COL12A1: variants seen among roughly 807,000 people sequenced by gnomAD.
COL12A1 encodes the protein collagen type XII alpha 1 chain, also known as collagen alpha-1(XII) chain.
A neutral mutation model predicts 349.7 loss-of-function variants in COL12A1; 114 were observed. The observed-to-expected ratio is 0.33, with a 90% confidence interval of 0.28 to 0.38. The LOEUF (loss-of-function observed/expected upper bound fraction) is 0.38, where lower values mean the gene tolerates loss of function less well. Among genes scored for constraint, COL12A1 ranks in the 10% least tolerant of loss-of-function variants. The pLI is 1.00. For synonymous variants in COL12A1, 1,369 were observed against 1,329.0 expected, an observed-to-expected ratio of 1.03 and a Z score of -0.66; for missense variants, 3,284 against 3,756.9, an observed-to-expected ratio of 0.87 and a Z score of 3.29.
rs368180294 is a variant in COL12A1, at chr6:75,096,366, AGTATCCT to A, written c.8577+880_8577+886del. On this transcript the variant is annotated intron_variant, in intron 59 of 65. Coordinates refer to ENST00000322507, the MANE Select transcript of COL12A1 (RefSeq NM_004370.6). ...AAAATTATTTTAACATATGCTCTTG[AGTATCCT>A]GCCACACAGACATGGAGGCTATCCA... Among the ~76,000 whole-genome samples the A allele has an allele frequency of 8.5e-5, 13 of 152,350 alleles. No homozygotes were observed. The East Asian group carries it at 2.5e-3, about 29-fold the overall frequency.
chr6:75,115,049 AT>A (rs1181900395), intron 49 of COL12A1, among the ~76,000 whole-genome samples: 1 of 152,106 alleles, frequency 6.6e-6, no homozygotes, highest in Admixed American at 6.6e-5. Flanking sequence ...CAACAATACA[AT>A]CTCTGCCTCT....
chr6:75,200,788 T>A (rs1242293228), intron 2 of COL12A1, among the ~76,000 whole-genome samples: 1 of 152,168 alleles, frequency 6.6e-6, no homozygotes, highest in East Asian at 1.9e-4. Context: ...GAAAAAAATG[T>A]AGGTTACATA....
At chr6:75,141,497 C>T (rs1265362000) in intron 27 of COL12A1, among the ~76,000 whole-genome samples, 2 of 152,192 alleles carry the variant, frequency 1.3e-5, no homozygotes, top group Non-Finnish European at 2.9e-5. Context: ...ACAGTGCAGT[C>T]GCCCCTTCCT....
rs1372921300 is a variant in COL12A1 at position 75,128,712 on chromosome 6, G to A, written c.6211-287C>T. On this transcript the variant is annotated intron_variant, in intron 37 of 65. Coordinates refer to ENST00000322507, the MANE Select transcript of COL12A1 (RefSeq NM_004370.6). Reference sequence around the variant, plus strand: ...CTGTATTAAAAGCAATGCCATGTGTGCTTCAGAACACCTTACTGAGTATTC... The same window carrying A: ...CTGTATTAAAAGCAATGCCATGTGTACTTCAGAACACCTTACTGAGTATTC... Among the ~76,000 whole-genome samples the A allele has an allele frequency of 7.2e-5, 11 of 152,252 alleles. No homozygotes were observed. In the East Asian group the frequency reaches 2.1e-3, roughly 29 times the overall value.
At position 75,200,605 on chromosome 6, in the gene COL12A1, G is replaced by A. The variant is rs192824992; in HGVS notation, c.73+2115C>T. 2.3e-3 allele frequency among the ~76,000 whole-genome samples: 351 copies of A among 152,032 alleles called. 3 individuals are homozygous for A. The highest frequency in any genetic ancestry group is 7.9e-3 in the African/African-American group (326 of 41,488). ...ATAAAAATAACTTAAAGAATAAATT[G>A]CACTGTAAGTATAAAATACACACCC... On this transcript the variant is annotated intron_variant, in intron 2 of 65. Coordinates refer to ENST00000322507, the MANE Select transcript of COL12A1 (RefSeq NM_004370.6).
intron 51 of COL12A1, among the ~76,000 whole-genome samples, chr6:75,109,594 G>T (rs947401065): frequency 5.9e-5 from 9 of 152,026 alleles, no homozygotes; most frequent in Admixed American, 3.9e-4. Context: ...CTTTCAGTTT[G>T]TTGTTCCCCA....
At position 75,086,474 on chromosome 6, in the gene COL12A1, G is replaced by GT; in HGVS notation, c.*72dup. ...TACAGACTCATTTCCTAATAAGCACGTGCGCAAACATCTCAGAAACAGGAT... is the reference window on the plus strand; with the variant it reads ...TACAGACTCATTTCCTAATAAGCACGTTGCGCAAACATCTCAGAAACAGGAT... On this transcript the variant is annotated 3_prime_UTR_variant, in exon 66 of 66. Coordinates refer to ENST00000322507, the MANE Select transcript of COL12A1 (RefSeq NM_004370.6). 1 of 1,390,204 alleles carries GT rather than the reference G, an allele frequency of 7.2e-7. No individual in the cohort carries two copies. The highest frequency in any genetic ancestry group is 1.0e-6 in the Non-Finnish European group (1 of 999,644). 86.1% of individuals were successfully genotyped at this position (1,390,204 alleles called of 1,614,324 possible).
chr6:75,143,374 G>A lies in COL12A1; in HGVS notation c.4705C>T (p.Pro1569Ser). The change falls in exon 26 of 66, where the codon CCT becomes TCT. Residue 1569 changes from proline (P) to serine (S), a missense_variant. Around this residue, in one of 2 missense-constraint regions of COL12A1, gnomAD observed 2,601 missense variants for 2,824.8 expected, o/e 0.92. Coordinates refer to ENST00000322507, the MANE Select transcript of COL12A1 (RefSeq NM_004370.6). The part of the protein sequence containing the change: ...VREVTLPLPR[P>S]QDLKLRDVTH... Reference sequence around the variant, plus strand: ...ACATCTCTGAGTTTCAGATCCTGAGGTCTGGGTAAAGGCACTAGAGAAGCA... The same window carrying A: ...ACATCTCTGAGTTTCAGATCCTGAGATCTGGGTAAAGGCACTAGAGAAGCA... The A allele has an allele frequency of 2.5e-6, 4 of 1,613,598 alleles. No individual in the cohort carries two copies. Among genetic ancestry groups the A allele is most frequent in the Non-Finnish European group, 3.4e-6 (4 of 1,179,856 alleles).
At position 75,116,224 on chromosome 6, in the gene COL12A1, C is replaced by T. The variant is rs554643547; in HGVS notation, c.7520-167G>A. ...TACATTATTTCTTGTACATTTCCTA[C>T]GTGTAGGAGAAATACTATTAACCAG... On this transcript the variant is annotated intron_variant, in intron 47 of 65. Transcript: ENST00000322507. 1.2e-3 allele frequency among the ~76,000 whole-genome samples: 181 copies of T among 152,218 alleles called. 1 individual carries two copies. Among genetic ancestry groups the T allele is most frequent in the African/African-American group, 3.2e-3 (133 of 41,546 alleles).
chr6:75,145,659 TCTCA>T (rs1425080649), intron 24 of COL12A1, among the ~76,000 whole-genome samples: 1 of 147,876 alleles, frequency 6.8e-6, no homozygotes, highest in Non-Finnish European at 1.5e-5. Context: ...TGAGACAGAG[TCTCA>T]CTCAGTCACC....
At chr6:75,141,515 C>T (rs985364563) in intron 27 of COL12A1, among the ~76,000 whole-genome samples, 3 of 152,210 alleles carry the variant, frequency 2.0e-5, no homozygotes, top group Non-Finnish European at 1.5e-5. Context: ...CCTCTGAAAT[C>T]TGACAGCACA....
At chr6:75,092,493 C>T (rs921892226) in intron 60 of COL12A1, among the ~76,000 whole-genome samples, 22 of 152,146 alleles carry the variant, frequency 1.4e-4, no homozygotes, top group Non-Finnish European at 3.1e-4. Context: ...GAAAAGTTTT[C>T]CTTAGAGTGC....
At position 75,103,822 on chromosome 6, in the gene COL12A1, A is replaced by G; in HGVS notation, c.8266-12T>C. 1 of 1,610,136 alleles carries G rather than the reference A, an allele frequency of 6.2e-7. No homozygotes were observed. The highest frequency in any genetic ancestry group is 8.5e-7 in the Non-Finnish European group (1 of 1,176,750). On this transcript the variant is annotated splice_polypyrimidine_tract_variant and intron_variant, in intron 54 of 65. Coordinates refer to ENST00000322507, the MANE Select transcript of COL12A1 (RefSeq NM_004370.6). Reference sequence around the variant, plus strand: ...GCACCAGGTCCTCCCTAAAATACATAGAGCACATAGTAGTGTGAACATAGG... The same window carrying G: ...GCACCAGGTCCTCCCTAAAATACATGGAGCACATAGTAGTGTGAACATAGG...
chr6:75,144,000 C>T (rs1208028821), intron 25 of COL12A1, among the ~76,000 whole-genome samples: 2 of 152,198 alleles, frequency 1.3e-5, no homozygotes, highest in Non-Finnish European at 2.9e-5. Context: ...ATGTATTTCA[C>T]TCTTTCCAGC....
At chr6:75,103,123 G>T (rs1768381434) in intron 55 of COL12A1, among the ~76,000 whole-genome samples, 1 of 152,162 alleles carries the variant, frequency 6.6e-6, no homozygotes, top group Admixed American at 6.5e-5. Context: ...CATGGATGAG[G>T]TGCCCTGTGC....
In COL12A1 at chr6:75,202,788, C is replaced by G. The variant is rs1265886692; in HGVS notation, c.5G>C (p.Arg2Pro). M[R>P]SRLPPALAAL... is the part of the protein sequence containing the mutation. ...GGCAAGCGCTGGGGGAAGCCTACTC[C>G]GCATCCTTGGCCTCCGAGCTTACAG... is the stretch of plus-strand genomic sequence containing the variant. The change falls in exon 2 of 66, where the codon CGG becomes CCG. Residue 2 changes from arginine (R) to proline (P), a missense_variant. Around this residue, in one of 2 missense-constraint regions of COL12A1, gnomAD observed 2,601 missense variants for 2,824.8 expected, o/e 0.92. Coordinates refer to ENST00000322507, the MANE Select transcript of COL12A1 (RefSeq NM_004370.6). 1.4e-5 allele frequency: 22 copies of G among 1,551,618 alleles called. No individual in the cohort carries two copies. The highest frequency in any genetic ancestry group is 2.0e-5 in the Admixed American group (1 of 51,006).
At position 75,175,010 on chromosome 6, in the gene COL12A1, G is replaced by A. The variant is rs746187101; in HGVS notation, c.2710+28C>T. 3.7e-6 allele frequency: 6 copies of A among 1,610,230 alleles called. No individual in the cohort carries two copies. The East Asian group carries it at 1.3e-4, about 36-fold the overall frequency. ...AGGCAGCACCACAAACAAGTTCCTG[G>A]ATTTTCAGAAAATATGATGGTAATT... On this transcript the variant is annotated intron_variant, in intron 13 of 65. Coordinates refer to ENST00000322507, the MANE Select transcript of COL12A1 (RefSeq NM_004370.6).
intron 45 of COL12A1, 54 bp downstream of exon 45, chr6:75,119,296 C>T (rs905425552): frequency 1.2e-6 from 2 of 1,605,150 alleles, no homozygotes; most frequent in African/African-American, 2.7e-5. Context: ...AGATAATACA[C>T]TCAGTTCTGC....
At chr6:75,197,269 T>C (rs566038639) in intron 2 of COL12A1, among the ~76,000 whole-genome samples, 2 of 152,150 alleles carry the variant, frequency 1.3e-5, no homozygotes, top group South Asian at 4.1e-4. Flanking sequence ...AGAGTCTAAG[T>C]GTTCCCTAAG....
Sources: allele counts gnomAD v4.1 joint callset (sites outside exome capture counted in the v4.1 genomes callset), GRCh38; gene constraint gnomAD v4.1.1; regional missense constraint gnomAD v4.1.1; transcripts MANE v1.5; gene names NCBI Gene and HGNC (gene_info 2026-07-23, HGNC 2026-07-21).